Variants in SLC39A11 observed in about 807,000 individuals in gnomAD.
The protein encoded by SLC39A11 is solute carrier family 39 member 11.
A neutral mutation model predicts 36.1 loss-of-function variants in SLC39A11; 33 were observed. That is an observed-to-expected ratio of 0.91 (90% CI 0.69 to 1.22). The LOEUF (loss-of-function observed/expected upper bound fraction) is 1.22. SLC39A11 is among the 50% of genes most tolerant of loss of function. The pLI is 0.00. For synonymous variants in SLC39A11, 166 were observed against 170.3 expected, an observed-to-expected ratio of 0.97 and a Z score of 0.20; for missense variants, 432 against 430.3, an observed-to-expected ratio of 1.00 and a Z score of -0.03.
Position 73,076,425 on chromosome 17 carries a change from A to G in SLC39A11, c.147+8383T>C, listed in dbSNP as rs1392154101. On this transcript the variant is annotated intron_variant, in intron 3 of 9. Coordinates refer to ENST00000255559, the MANE Select transcript of SLC39A11 (RefSeq NM_139177.4). ...ACAGAAACACCTATTTTGGTGAACA[A>G]TTATATATTGTATAAATATGTCACT... is the stretch of plus-strand genomic sequence containing the variant. 2.0e-5 allele frequency among the ~76,000 whole-genome samples: 3 copies of G among 152,330 alleles called. No homozygotes were observed. In the East Asian group the frequency reaches 5.8e-4, roughly 29 times the overall value.
intron 7 of SLC39A11, among the ~76,000 whole-genome samples, chr17:72,696,234 G>A (rs191005867): frequency 3.9e-5 from 6 of 151,990 alleles, no homozygotes; most frequent in East Asian, 1.9e-4. Flanking sequence ...GGTGGAGATC[G>A]GAAAGCATGG....
intron 6 of SLC39A11, among the ~76,000 whole-genome samples, chr17:72,766,581 G>A (rs1219200416): frequency 3.9e-5 from 6 of 152,096 alleles, no homozygotes; most frequent in Non-Finnish European, 7.4e-5. Context: ...TCTGCTAGTG[G>A]CTCTTTCTCT....
intron 6 of SLC39A11, among the ~76,000 whole-genome samples, chr17:72,779,948 T>C (rs752301960): frequency 3.9e-5 from 6 of 152,076 alleles, no homozygotes; most frequent in Admixed American, 6.6e-5. Flanking sequence ...CACACCCCCT[T>C]CTACTCTCAA....
intron 5 of SLC39A11, among the ~76,000 whole-genome samples, chr17:72,936,518 C>T (rs16977445): frequency 0.11 from 16,940 of 151,122 alleles, 1,699 homozygotes; most frequent in African/African-American, 0.28. Flanking sequence ...CAAGTCTTGG[C>T]CGGGCCTCAC....
chr17:72,712,833 T>C (rs1446353347), intron 7 of SLC39A11: 2 of 152,082 alleles, frequency 1.3e-5, no homozygotes, highest in African/African-American at 2.4e-5. Flanking sequence ...AGTGGAGATA[T>C]GATCAGCAGC....
At chr17:72,811,300 C>G (rs1419710694) in intron 6 of SLC39A11, among the ~76,000 whole-genome samples, 1 of 152,138 alleles carries the variant, frequency 6.6e-6, no homozygotes, top group Non-Finnish European at 1.5e-5. Flanking sequence ...TTTAAGGGCA[C>G]TAATCCAGTC....
At chr17:72,698,498 T>A (rs7223857) in intron 7 of SLC39A11, among the ~76,000 whole-genome samples, 121,324 of 149,318 alleles carry the variant, frequency 0.81, 49,429 homozygotes, top group South Asian at 0.89. Flanking sequence ...GGTCTGAATA[T>A]ATGCTGTAGC....
chr17:73,050,819 A>AAGG (rs1568191086), intron 3 of SLC39A11, among the ~76,000 whole-genome samples: 3 of 151,994 alleles, frequency 2.0e-5, no homozygotes, highest in Admixed American at 1.3e-4. Context: ...AAGGGAAGGG[A>AAGG]TGGAGTGGGC....
intron 6 of SLC39A11, among the ~76,000 whole-genome samples, chr17:72,792,623 T>C (rs1212243421): frequency 6.6e-6 from 1 of 152,122 alleles, no homozygotes; most frequent in African/African-American, 2.4e-5. Context: ...TAAATCACAG[T>C]TCTATCCTGT....
intron 6 of SLC39A11, among the ~76,000 whole-genome samples, chr17:72,789,040 CT>C (rs34275454): frequency 2.5e-3 from 353 of 143,634 alleles, no homozygotes; most frequent in Middle Eastern, 0.011. Flanking sequence ...AGGACAAAGG[CT>C]TTTTTTTTTT....
chr17:72,908,077 C>G (rs1382550989), intron 5 of SLC39A11, among the ~76,000 whole-genome samples: 1 of 152,194 alleles, frequency 6.6e-6, no homozygotes, highest in East Asian at 1.9e-4. Context: ...CCCTGAATGT[C>G]CCTTTATTCT....
intron 5 of SLC39A11, among the ~76,000 whole-genome samples, chr17:72,936,411 TAAAAAAAAAAAAAAAAAAAA>T (rs746428868): frequency 1.4e-5 from 1 of 73,460 alleles, no homozygotes; most frequent in East Asian, 4.7e-4. Context: ...TGAAAAAAAG[TAAAAAAAAAAAAAAAAAAAA>T]AAAAAAAAAA....
chr17:72,933,585 T>G, intron 5 of SLC39A11, among the ~76,000 whole-genome samples: 1 of 151,992 alleles, frequency 6.6e-6, no homozygotes, highest in East Asian at 1.9e-4. Context: ...AGGGGTGCAA[T>G]CTCTGCTCAC....
chr17:72,768,545 G>A (rs1053922213), intron 6 of SLC39A11, among the ~76,000 whole-genome samples: 7 of 152,154 alleles, frequency 4.6e-5, no homozygotes, highest in African/African-American at 1.4e-4. Flanking sequence ...ATGAGGGGCT[G>A]TGTGTACATA....
Position 73,009,607 on chromosome 17 carries a change from G to C in SLC39A11, c.306+21949C>G, listed in dbSNP as rs78242198. On this transcript the variant is annotated intron_variant, in intron 4 of 9. Coordinates refer to ENST00000255559, the MANE Select transcript of SLC39A11 (RefSeq NM_139177.4). ...GCTTAATAGGCATGGGGTTTCCTTG[G>C]GGGGGTGATGAAAATGTGTGGAATT... Among the ~76,000 whole-genome samples, 221 of 152,144 alleles carry C rather than the reference G, an allele frequency of 1.5e-3. 4 individuals carry two copies. In the East Asian group the frequency reaches 0.034, roughly 23 times the overall value.
intron 3 of SLC39A11, among the ~76,000 whole-genome samples, chr17:73,049,791 G>C (rs2059433683): frequency 6.6e-6 from 1 of 152,100 alleles, no homozygotes; most frequent in South Asian, 2.1e-4. Flanking sequence ...AAAGCAAACA[G>C]ACAAGAAACT....
chr17:73,084,660 T>C, intron 3 of SLC39A11, 148 bp downstream of exon 3: 1 of 706,826 alleles, frequency 1.4e-6, no homozygotes. Flanking sequence ...GAAATAAATA[T>C]GGCAGGTGAT....
intron 6 of SLC39A11, among the ~76,000 whole-genome samples, chr17:72,813,283 C>T (rs771470417): frequency 6.6e-6 from 1 of 152,168 alleles, no homozygotes; most frequent in Non-Finnish European, 1.5e-5. Flanking sequence ...CTTTTCTGGT[C>T]CCCATTGTCA....
chr17:72,709,724 T>C (rs1014757005), intron 7 of SLC39A11, among the ~76,000 whole-genome samples: 18 of 152,240 alleles, frequency 1.2e-4, no homozygotes, highest in African/African-American at 4.1e-4. Context: ...CCCTATTTCC[T>C]GTATCCTTTC....
Sources: gnomAD v4.1 joint callset for allele counts (sites outside exome capture counted in the v4.1 genomes callset) on GRCh38, gnomAD v4.1.1 for gene constraint, MANE v1.5 for transcripts, NCBI Gene and HGNC (gene_info 2026-07-23, HGNC 2026-07-21) for gene names.